HDLBP: variants seen among roughly 807,000 people sequenced by gnomAD.
HDLBP encodes high density lipoprotein binding protein.
A neutral mutation model predicts 137.3 loss-of-function variants in HDLBP; 30 were observed. That is an observed-to-expected ratio of 0.22 (90% CI 0.16 to 0.30). The LOEUF (loss-of-function observed/expected upper bound fraction) is 0.30. HDLBP is among the 10% of genes least tolerant of loss of function. HDLBP has a pLI of 1.00. For synonymous variants in HDLBP, 606 were observed against 596.0 expected, an observed-to-expected ratio of 1.02 and a Z score of -0.24; for missense variants, 1,119 against 1,667.3, an observed-to-expected ratio of 0.67 and a Z score of 5.73.
At chr2:241,286,043 G>A (rs2074793328) in intron 1 of HDLBP, among the ~76,000 whole-genome samples, 1 of 141,808 alleles carries the variant, frequency 7.1e-6, no homozygotes, top group Non-Finnish European at 1.6e-5. Flanking sequence ...GTCAAATGGA[G>A]GAAAACCTTT....
Position 241,280,045 on chromosome 2 carries a change from G to T in HDLBP, c.-102-11504C>A, listed in dbSNP as rs2149612822. 3.0e-6 allele frequency: 3 copies of T among 985,402 alleles called. No homozygotes were observed. The South Asian group carries it at 1.4e-4, about 46-fold the overall frequency. The allele number at this position is 985,402 out of a possible 1,614,324, so 61.0% of individuals were successfully genotyped here. On this transcript the variant is annotated intron_variant, in intron 1 of 27. Transcript: ENST00000310931. Reference sequence around the variant, plus strand: ...GTGGGAGCAGAGATGTGGAGGACAGGCGCCCACCACTTCCTTGGCAGCAGT... The same window carrying T: ...GTGGGAGCAGAGATGTGGAGGACAGTCGCCCACCACTTCCTTGGCAGCAGT...
At chr2:241,261,171 G>C (rs2073136595) in intron 5 of HDLBP, among the ~76,000 whole-genome samples, 1 of 133,994 alleles carries the variant, frequency 7.5e-6, no homozygotes, top group Non-Finnish European at 1.5e-5. Context: ...CTCCAGCCTG[G>C]GCAACAAAGT....
intron 2 of HDLBP, 113 bp downstream of exon 2, chr2:241,268,364 G>A (rs1483436277): frequency 1.6e-6 from 1 of 626,734 alleles, no homozygotes; most frequent in Non-Finnish European, 2.0e-6. Context: ...GAAACTTGAA[G>A]GTGTGATATA....
At chr2:241,246,613 T>A in intron 16 of HDLBP, 139 bp downstream of exon 16, 1 of 815,322 alleles carries the variant, frequency 1.2e-6, no homozygotes, top group Non-Finnish European at 2.0e-6. Context: ...AACTCATCAG[T>A]AGCCTGGATT....
chr2:241,242,320 C>T lies in HDLBP; in HGVS notation c.2169+140G>A, dbSNP rs868288206. 5.1e-5 allele frequency: 35 copies of T among 686,692 alleles called. No homozygotes were observed. In the South Asian group the frequency reaches 5.2e-4, roughly 10 times the overall value. 42.5% of individuals were successfully genotyped at this position (686,692 alleles called of 1,614,324 possible). Reference sequence around the variant, plus strand: ...CCTCCAGTAACAGCAAAAACAAAGACGCATAAACAGTACATTATAGAGCTG... The same window carrying T: ...CCTCCAGTAACAGCAAAAACAAAGATGCATAAACAGTACATTATAGAGCTG... On this transcript the variant is annotated intron_variant, in intron 17 of 27. Transcript: ENST00000310931.
At position 241,264,636 on chromosome 2, in the gene HDLBP, C is replaced by A. The variant is rs139363118; in HGVS notation, c.77-31G>T. The A allele has an allele frequency of 2.1e-5, 34 of 1,601,670 alleles. No individual in the cohort carries two copies. In the African/African-American group the frequency reaches 3.6e-4, roughly 17 times the overall value. Reference sequence around the variant, plus strand: ...CCAGCCAACACAGATTAAAAGGAAGCACTACTTTTAGCATTACATGAAAAA... The same window carrying A: ...CCAGCCAACACAGATTAAAAGGAAGAACTACTTTTAGCATTACATGAAAAA... On this transcript the variant is annotated intron_variant, in intron 3 of 27. Coordinates refer to ENST00000310931, the MANE Select transcript of HDLBP (RefSeq NM_005336.6).
intron 6 of HDLBP, 30 bp downstream of exon 6, chr2:241,256,569 CA>C: frequency 6.2e-7 from 1 of 1,606,606 alleles, no homozygotes; most frequent in Admixed American, 1.7e-5. Flanking sequence ...AGCAGGTAGG[CA>C]GGGGCACGAG....
chr2:241,277,987 C>CAAG (rs2149606063), intron 1 of HDLBP, among the ~76,000 whole-genome samples: 1 of 152,016 alleles, frequency 6.6e-6, no homozygotes, highest in African/African-American at 2.4e-5. Context: ...ACAACAACAA[C>CAAG]AAAATAATAC....
At position 241,256,103 on chromosome 2, in the gene HDLBP, C is replaced by T. The variant is rs1261888531; in HGVS notation, c.873+81G>A. The T allele has an allele frequency of 1.7e-5, 20 of 1,178,386 alleles. No individual in the cohort carries two copies. In the East Asian group the frequency reaches 4.7e-4, roughly 28 times the overall value. 73.0% of individuals were successfully genotyped at this position (1,178,386 alleles called of 1,614,324 possible). On this transcript the variant is annotated intron_variant, in intron 7 of 27. Coordinates refer to ENST00000310931, the MANE Select transcript of HDLBP (RefSeq NM_005336.6). ...AAGGACAAAAAGATAAGGGGCAGAA[C>T]CAGGCCTTAACTGAATCTCCAGACC...
chr2:241,271,151 C>A, intron 1 of HDLBP: 1 of 985,166 alleles, frequency 1.0e-6, no homozygotes, highest in Non-Finnish European at 1.2e-6. Context: ...CTCCTGTCTC[C>A]TTCAGTCCCT....
Position 241,272,217 on chromosome 2 carries a change from C to A in HDLBP, c.-102-3676G>T. 2.0e-6 allele frequency: 2 copies of A among 982,086 alleles called. No homozygotes were observed. The highest frequency in any genetic ancestry group is 2.4e-6 in the Non-Finnish European group (2 of 826,962). 60.8% of individuals were successfully genotyped at this position (982,086 alleles called of 1,614,324 possible). A position where few individuals can be genotyped will look rare whatever the true frequency, so the allele number is the denominator to read the frequency against. ...GGTGGAGGTGCTGCGGGGGCCCCGC[C>A]GCCCGGTCTGCGCCCAGACCCCCGC... On this transcript the variant is annotated intron_variant, in intron 1 of 27. Transcript: ENST00000310931. This position sits in a 1 kb window ranked among gnomAD's most constrained non-coding sequence, Gnocchi z 5.6.
Position 241,230,979 on chromosome 2 carries a change from C to T in HDLBP, c.3289-35G>A. 1 of 1,583,554 alleles carries T rather than the reference C, an allele frequency of 6.3e-7. No individual in the cohort carries two copies. The highest frequency in any genetic ancestry group is 8.7e-7 in the Non-Finnish European group (1 of 1,153,860). On this transcript the variant is annotated intron_variant, in intron 24 of 27. Coordinates refer to ENST00000310931, the MANE Select transcript of HDLBP (RefSeq NM_005336.6). This position sits in a 1 kb window ranked among gnomAD's most constrained non-coding sequence, Gnocchi z 5.0. Reference sequence around the variant, plus strand: ...GAGAATGTAGTCAGAAAAGGGGATGCCTTACTGGGATTCCCGTCAGGGGCA... The same window carrying T: ...GAGAATGTAGTCAGAAAAGGGGATGTCTTACTGGGATTCCCGTCAGGGGCA...
intron 1 of HDLBP, among the ~76,000 whole-genome samples, chr2:241,303,998 A>G (rs2075483123): frequency 6.6e-6 from 1 of 152,142 alleles, no homozygotes; most frequent in Non-Finnish European, 1.5e-5. Context: ...TTTTGTAGAG[A>G]TGGGGGTCTC....
chr2:241,249,224 G>C, intron 12 of HDLBP: 1 of 440,878 alleles, frequency 2.3e-6, no homozygotes, highest in Non-Finnish European at 4.7e-6. Context: ...TCCCCTAAGC[G>C]AATGACAGGG....
At position 241,229,484 on chromosome 2, in the gene HDLBP, A is replaced by AG; in HGVS notation, c.*116dup. 1.4e-6 allele frequency: 1 copy of AG among 739,060 alleles called. No individual in the cohort carries two copies. Among genetic ancestry groups the AG allele is most frequent in the Non-Finnish European group, 2.2e-6 (1 of 445,162 alleles). 45.8% of individuals were successfully genotyped at this position (739,060 alleles called of 1,614,324 possible). A position where few individuals can be genotyped will look rare whatever the true frequency, so the allele number is the denominator to read the frequency against. The stretch of plus-strand genomic sequence containing the variant: ...CTAGGCTCCCTGCGGGACCTCGGGA[A>AG]GGGGGAAGAGCGTCAACAATTTACG... On this transcript the variant is annotated 3_prime_UTR_variant, in exon 28 of 28. Transcript: ENST00000310931.
At position 241,235,104 on chromosome 2, in the gene HDLBP, G is replaced by A. The variant is rs751708067; in HGVS notation, c.3144+17C>T. 29 of 1,610,184 alleles carry A rather than the reference G, an allele frequency of 1.8e-5. No individual in the cohort carries two copies. In the East Asian group the frequency reaches 2.2e-4, roughly 12 times the overall value. On this transcript the variant is annotated intron_variant, in intron 23 of 27. Transcript: ENST00000310931. ...GCACCATGGCTCTGGGCAGTGCCCC[G>A]GCCACCTCCTGCTCACCCGGTCCTC...
chr2:241,292,076 TAAAG>T (rs751359648), intron 1 of HDLBP, among the ~76,000 whole-genome samples: 5 of 152,282 alleles, frequency 3.3e-5, no homozygotes, highest in Admixed American at 1.3e-4. Context: ...AACTGGTTGA[TAAAG>T]AACTCTATAA....
chr2:241,293,921 CA>C (rs56186900), intron 1 of HDLBP, among the ~76,000 whole-genome samples: 69 of 97,604 alleles, frequency 7.1e-4, no homozygotes, highest in African/African-American at 6.9e-4. Context: ...GACCCTGCCT[CA>C]AAAAAAAAAA....
chr2:241,268,037 C>G, intron 2 of HDLBP: 2 of 863,846 alleles, frequency 2.3e-6, no homozygotes, highest in East Asian at 2.4e-4. Context: ...CAAACTACTA[C>G]AGTGAGGAAG....
Sources: allele counts gnomAD v4.1 joint callset (sites outside exome capture counted in the v4.1 genomes callset), GRCh38; gene constraint gnomAD v4.1.1; non-coding constraint Gnocchi (gnomAD v3.1); transcripts MANE v1.5; gene names NCBI Gene and HGNC (gene_info 2026-07-23, HGNC 2026-07-21).